Variants in BEGAIN observed in about 807,000 individuals in gnomAD.
BEGAIN encodes the protein brain enriched guanylate kinase associated.
Under a neutral mutation model 35.8 loss-of-function variants are expected in BEGAIN, and 19 were observed. The ratio of observed to expected loss-of-function variants is 0.53; its 90% CI spans 0.37 to 0.78. The LOEUF (loss-of-function observed/expected upper bound fraction) is 0.78, where lower values mean the gene tolerates loss of function less well. Among genes scored for constraint, BEGAIN ranks in the 30% least tolerant of loss-of-function variants. The pLI is 0.00. For missense variants in BEGAIN, 795 were observed against 853.6 expected (o/e 0.93, Z 0.85); for synonymous variants, 462 against 388.6 (o/e 1.19, Z -2.22).
intron 2 of BEGAIN, among the ~76,000 whole-genome samples, chr14:100,556,210 T>G (rs2033708045): frequency 6.6e-6 from 1 of 152,064 alleles, no homozygotes; most frequent in African/African-American, 2.4e-5. Flanking sequence ...ACCTCTCCAT[T>G]TGGATCCTCG....
chr14:100,541,051 T>G (rs1173139704), intron 5 of BEGAIN, among the ~76,000 whole-genome samples: 1 of 152,216 alleles, frequency 6.6e-6, no homozygotes, highest in Non-Finnish European at 1.5e-5. Context: ...TCAGACTTGC[T>G]GCTCACAACC....
At position 100,546,586 on chromosome 14, in the gene BEGAIN, C is replaced by T; in HGVS notation, c.148G>A (p.Glu50Lys). The change falls in exon 3 of 7, where the codon GAG becomes AAG. Residue 50 changes from glutamate to lysine, a missense_variant. Glu to Lys is a moderately conservative substitution (Grantham distance 56). Transcript: ENST00000554140. Reference protein sequence around the residue: ...TTHKLEKLETEFDSTRHYLEI... With the variant: ...TTHKLEKLETKFDSTRHYLEI... ...AGGTAGTGGCGCGTGGAGTCGAACT[C>T]GGTCTCGAGCTTCTCGAGCTTGTGT... 6.3e-7 allele frequency: 1 copy of T among 1,592,148 alleles called. No individual in the cohort carries two copies. Among genetic ancestry groups the T allele is most frequent in the Non-Finnish European group, 8.5e-7 (1 of 1,172,184 alleles).
intron 2 of BEGAIN, 164 bp from the exon 3 acceptor site, chr14:100,546,826 A>G: frequency 1.8e-6 from 1 of 545,656 alleles, no homozygotes; most frequent in Non-Finnish European, 2.9e-6. Context: ...ACACACACCC[A>G]GCCTCCCGGG....
chr14:100,561,901 C>T (rs2034290626), intron 2 of BEGAIN, among the ~76,000 whole-genome samples: 1 of 152,092 alleles, frequency 6.6e-6, no homozygotes, highest in African/African-American at 2.4e-5. Flanking sequence ...ACCCCAACCC[C>T]CCAAGTTGAT....
intron 2 of BEGAIN, among the ~76,000 whole-genome samples, chr14:100,566,511 T>C (rs986262768): frequency 6.6e-6 from 1 of 151,992 alleles, no homozygotes; most frequent in Admixed American, 6.5e-5. Flanking sequence ...AAGCAGTGTT[T>C]CCTCCCCCCC....
At position 100,538,122 on chromosome 14, in the gene BEGAIN, G is replaced by A; in HGVS notation, c.1686C>T (p.Asp562=). Residue 562 remains aspartate (D), a synonymous_variant, in exon 7 of 7, where the codon GAC becomes GAT. Transcript: ENST00000554140. ...CCTCCATGGAGCTCGGCTCCAAGGA[G>A]TCCCTGGAACCCTGCTCGGGCTCAG... The part of the protein sequence containing the change: ...SSPEPEQGSR[D]SLEPSSMEAS... 1 of 1,560,794 alleles carries A rather than the reference G, an allele frequency of 6.4e-7. No homozygotes were observed. Among genetic ancestry groups the A allele is most frequent in the Non-Finnish European group, 8.7e-7 (1 of 1,155,870 alleles).
Position 100,568,339 on chromosome 14 carries a change from C to A in BEGAIN, c.43-400G>T. On this transcript the variant is annotated intron_variant, in intron 1 of 6. Coordinates refer to ENST00000554140, the MANE Select transcript of BEGAIN (RefSeq NM_001385089.1). The surrounding 1 kb of genome is among the most constrained non-coding windows in gnomAD (Gnocchi z 7.5). The stretch of plus-strand genomic sequence containing the variant: ...GCCCCGCCCGTTAACCCTTCCTGCC[C>A]CGCGCTCCCTCCCGGAGGAAGCCGA... The A allele has an allele frequency of 9.8e-7, 1 of 1,020,972 alleles. No individual in the cohort carries two copies. Among genetic ancestry groups the A allele is most frequent in the Non-Finnish European group, 1.3e-6 (1 of 755,106 alleles). 63.2% of individuals were successfully genotyped at this position (1,020,972 alleles called of 1,614,324 possible).
chr14:100,553,653 T>TGTGA (rs1052153167), intron 2 of BEGAIN, among the ~76,000 whole-genome samples: 5 of 152,124 alleles, frequency 3.3e-5, no homozygotes, highest in African/African-American at 1.2e-4. Flanking sequence ...TCTCCTCTGT[T>TGTGA]GTGAGGCTTT....
chr14:100,570,849 A>G (rs2035058458), intron 1 of BEGAIN, among the ~76,000 whole-genome samples: 1 of 152,178 alleles, frequency 6.6e-6, no homozygotes, highest in African/African-American at 2.4e-5. Context: ...CGGGTGAGGA[A>G]ACGGAGGCCA....
At chr14:100,556,577 C>T (rs1400579470) in intron 2 of BEGAIN, among the ~76,000 whole-genome samples, 2 of 152,182 alleles carry the variant, frequency 1.3e-5, no homozygotes, top group Non-Finnish European at 2.9e-5. Flanking sequence ...AGGAAGGGCT[C>T]CCTGACATCC....
chr14:100,537,953 G>A lies in BEGAIN; in HGVS notation c.*16C>T. ...CTGGCGGGGAGCGAACCACGGCCAGGCCTGCACGCAGGCGCTCAGTTGAGC... is the reference window on the plus strand; with the variant it reads ...CTGGCGGGGAGCGAACCACGGCCAGACCTGCACGCAGGCGCTCAGTTGAGC... On this transcript the variant is annotated 3_prime_UTR_variant, in exon 7 of 7. Transcript: ENST00000554140. 1 of 1,597,512 alleles carries A rather than the reference G, an allele frequency of 6.3e-7. No individual in the cohort carries two copies. Among genetic ancestry groups the A allele is most frequent in the Non-Finnish European group, 8.5e-7 (1 of 1,173,128 alleles).
intron 5 of BEGAIN, among the ~76,000 whole-genome samples, chr14:100,543,575 C>T (rs1409938258): frequency 6.6e-6 from 1 of 152,202 alleles, no homozygotes; most frequent in East Asian, 1.9e-4. Flanking sequence ...AATATGGCCC[C>T]GCATCCCCTA....
Position 100,568,045 on chromosome 14 carries a change from C to T in BEGAIN, c.43-106G>A, listed in dbSNP as rs1362621422. 8.7e-7 allele frequency: 1 copy of T among 1,143,650 alleles called. No individual in the cohort carries two copies. The highest frequency in any genetic ancestry group is 1.1e-6 in the Non-Finnish European group (1 of 928,878). 70.8% of individuals were successfully genotyped at this position (1,143,650 alleles called of 1,614,324 possible). On this transcript the variant is annotated intron_variant, in intron 1 of 6. Coordinates refer to ENST00000554140, the MANE Select transcript of BEGAIN (RefSeq NM_001385089.1). The surrounding 1 kb of genome is among the most constrained non-coding windows in gnomAD (Gnocchi z 7.5). ...GCACGGCCGGGCAACCCCGCGGGGC[C>T]CCGTCCGTGGGAAGCCCGGCGCCGC...
At position 100,586,976 on chromosome 14, in the gene BEGAIN, C is replaced by T. The variant is rs980011040; in HGVS notation, c.42+273G>A. On this transcript the variant is annotated intron_variant, in intron 1 of 6. Coordinates refer to ENST00000554140, the MANE Select transcript of BEGAIN (RefSeq NM_001385089.1). The surrounding 1 kb of genome is among the most constrained non-coding windows in gnomAD (Gnocchi z 4.9). ...CGCCGCAGGGGCGCGCGTGTCAGGG[C>T]GCAAGGACCCCGCGATAGGACCCGG... Among the ~76,000 whole-genome samples the T allele has an allele frequency of 6.6e-6, 1 of 151,830 alleles. No individual in the cohort carries two copies. The highest frequency in any genetic ancestry group is 2.4e-5 in the African/African-American group (1 of 41,388).
intron 5 of BEGAIN, among the ~76,000 whole-genome samples, chr14:100,542,633 CTCT>C (rs753600676): frequency 2.0e-5 from 3 of 150,334 alleles, no homozygotes; most frequent in Non-Finnish European, 4.4e-5. Context: ...TTGGACTCAG[CTCT>C]TCTTCTAACA....
chr14:100,543,433 C>A (rs1265775538), intron 5 of BEGAIN, among the ~76,000 whole-genome samples: 1 of 152,072 alleles, frequency 6.6e-6, no homozygotes, highest in East Asian at 1.9e-4. Context: ...GGGCCCATCT[C>A]ACAGGGTCCC....
At chr14:100,545,397 C>T (rs2032235451) in intron 3 of BEGAIN, 1 of 1,150,496 alleles carries the variant, frequency 8.7e-7, no homozygotes, top group African/African-American at 1.6e-5. Context: ...ACATTTGACC[C>T]ACAATTCTTA....
chr14:100,581,608 G>A (rs1262120159), intron 1 of BEGAIN, among the ~76,000 whole-genome samples: 1 of 152,174 alleles, frequency 6.6e-6, no homozygotes, highest in African/African-American at 2.4e-5. Context: ...ACAGCCAAAG[G>A]CTCTATTTTC....
intron 2 of BEGAIN, among the ~76,000 whole-genome samples, chr14:100,559,635 T>C (rs528795328): frequency 3.3e-5 from 5 of 152,334 alleles, no homozygotes; most frequent in Non-Finnish European, 5.9e-5. Flanking sequence ...AACTTATTAA[T>C]TGGATCAGCA....
Sources: allele counts gnomAD v4.1 joint callset (sites outside exome capture counted in the v4.1 genomes callset), GRCh38; gene constraint gnomAD v4.1.1; non-coding constraint Gnocchi (gnomAD v3.1); transcripts MANE v1.5; gene names NCBI Gene and HGNC (gene_info 2026-07-23, HGNC 2026-07-21).